Variants in SPTBN5 observed in about 807,000 individuals in gnomAD.
The protein encoded by SPTBN5 is spectrin beta chain, non-erythrocytic 5.
In SPTBN5, 513 loss-of-function variants were observed where a neutral mutation model predicts 477.6. The observed-to-expected ratio is 1.07, with a 90% CI of 1.00 to 1.16. SPTBN5 has a LOEUF of 1.16. SPTBN5 is among the 50% of genes most tolerant of loss of function. SPTBN5 has a pLI of 0.00. For missense variants in SPTBN5, 5,062 were observed against 4,731.8 expected (o/e 1.07, Z -2.05); for synonymous variants, 2,169 against 2,011.7 (o/e 1.08, Z -2.09).
At chr15:41,850,225 C>T (rs1254640063) in intron 66 of SPTBN5, 5 of 474,404 alleles carry the variant, frequency 1.1e-5, no homozygotes, top group East Asian at 3.8e-5. Flanking sequence ...TCTGGAATGT[C>T]GAACAACTCA....
chr15:41,882,090 A>G lies in SPTBN5; in HGVS notation c.2303T>C (p.Leu768Pro). 9 of 1,573,806 alleles carry G rather than the reference A, an allele frequency of 5.7e-6. No individual in the cohort carries two copies. The highest frequency in any genetic ancestry group is 7.7e-6 in the Non-Finnish European group (9 of 1,171,086). ...ASWLRERRSS[L>P]ERASCGQDQA... ...GTCCTGACCGCAGGACGCTCTCTCC[A>G]GCGAGGATCGCCGCTCGCGCAGCCA... The change falls in exon 12 of 68, where the codon CTG becomes CCG. Residue 768 changes from leucine to proline, a missense_variant. Leu to Pro is a moderately conservative substitution (Grantham distance 98, BLOSUM62 -3). Transcript: ENST00000320955.
chr15:41,882,735 C>A lies in SPTBN5; in HGVS notation c.1896G>T (p.Arg632=), dbSNP rs1399811799. 6.2e-7 allele frequency: 1 copy of A among 1,609,198 alleles called. No individual in the cohort carries two copies. Among genetic ancestry groups the A allele is most frequent in the Non-Finnish European group, 8.5e-7 (1 of 1,178,092 alleles). Residue 632 remains arginine, a synonymous_variant, in exon 10 of 68, where the codon CGG becomes CGT. Coordinates refer to ENST00000320955, the MANE Select transcript of SPTBN5 (RefSeq NM_016642.4). ...QSLVALVRAR[R]ALLEQTLQRA... is the part of the protein sequence containing the mutation. The stretch of plus-strand genomic sequence containing the variant: ...GCTGCAGGGTCTGCTCCAGCAGGGC[C>A]CGCCTGAGGGACAATAGGGGCCACC...
At chr15:41,857,141 C>T (rs775319168) in intron 51 of SPTBN5, 97 bp downstream of exon 51, 40 of 1,511,290 alleles carry the variant, frequency 2.6e-5, no homozygotes, top group Non-Finnish European at 3.5e-5. Flanking sequence ...TCACCATGGG[C>T]AAGGGGAGAA....
At position 41,858,873 on chromosome 15, in the gene SPTBN5, CT is replaced by C; in HGVS notation, c.8079+16del. 1 of 1,567,428 alleles carries C rather than the reference CT, an allele frequency of 6.4e-7. No individual in the cohort carries two copies. On this transcript the variant is annotated intron_variant, in intron 48 of 67. Transcript: ENST00000320955. ...CCTTCCCCACCATGACCGCCTCCCT[CT>C]CCAAGCGAGGCGAACCTCCTGGGAG...
At position 41,882,053 on chromosome 15, in the gene SPTBN5, G is replaced by C; in HGVS notation, c.2340C>G (p.Ala780=). The C allele has an allele frequency of 2.6e-6, 4 of 1,558,648 alleles. No individual in the cohort carries two copies. Among genetic ancestry groups the C allele is most frequent in the Non-Finnish European group, 3.4e-6 (4 of 1,164,006 alleles). The part of the protein sequence containing the change: ...RASCGQDQAA[A]ETLLRRHVRL... ...GCACGTGGCGCCTCAGCAGGGTCTC[G>C]GCGGCCGCCTGGTCCTGACCGCAGG... Residue 780 remains alanine (A), a synonymous_variant, in exon 12 of 68, where the codon GCC becomes GCG. Transcript: ENST00000320955.
At position 41,850,251 on chromosome 15, in the gene SPTBN5, C is replaced by T. The variant is rs2065707227; in HGVS notation, c.10922-292G>A. 7.3e-6 allele frequency: 3 copies of T among 412,402 alleles called. 1 individual carries two copies. In the South Asian group the frequency reaches 7.9e-5, roughly 11 times the overall value. 25.5% of individuals were successfully genotyped at this position (412,402 alleles called of 1,614,324 possible). A position where few individuals can be genotyped will look rare whatever the true frequency, so the allele number is the denominator to read the frequency against. On this transcript the variant is annotated intron_variant, in intron 66 of 67. Coordinates refer to ENST00000320955, the MANE Select transcript of SPTBN5 (RefSeq NM_016642.4). ...GAACAACTCAAGATCCCTTTGGGCTCCTGGGAAGACAGACTCTTGGGAGGA... is the reference window on the plus strand; with the variant it reads ...GAACAACTCAAGATCCCTTTGGGCTTCTGGGAAGACAGACTCTTGGGAGGA...
chr15:41,882,828 C>G, intron 9 of SPTBN5, 90 bp from the exon 10 acceptor site: 1 of 1,476,860 alleles, frequency 6.8e-7, no homozygotes, highest in Non-Finnish European at 9.1e-7. Context: ...TCCCCTTAGA[C>G]AGGATTTTTC....
At chr15:41,872,546 C>A (rs1453701622) in intron 26 of SPTBN5, 87 bp from the exon 27 acceptor site, 1 of 1,394,602 alleles carries the variant, frequency 7.2e-7, no homozygotes. Context: ...GTCACCAATC[C>A]TCATCCATTC....
chr15:41,877,263 C>T lies in SPTBN5; in HGVS notation c.3564G>A (p.Gln1188=). The T allele has an allele frequency of 1.2e-6, 2 of 1,613,960 alleles. No homozygotes were observed. The highest frequency in any genetic ancestry group is 1.7e-6 in the Non-Finnish European group (2 of 1,179,888). Reference sequence around the variant, plus strand: ...ACAAAACCTTCAGCTCCTGGCCCTGCTGCCCCAGGACCCTCAGAGTGTTGG... The same window carrying T: ...ACAAAACCTTCAGCTCCTGGCCCTGTTGCCCCAGGACCCTCAGAGTGTTGG... ...EVPNTLRVLG[Q]QGQELKVLWE... is the part of the protein sequence containing the mutation. The change falls in exon 18 of 68, where the codon CAG becomes CAA. Residue 1188 remains glutamine, a synonymous_variant. Coordinates refer to ENST00000320955, the MANE Select transcript of SPTBN5 (RefSeq NM_016642.4).
intron 4 of SPTBN5, 21 bp downstream of exon 4, chr15:41,890,068 G>A (rs759839906): frequency 1.5e-5 from 23 of 1,537,354 alleles, no homozygotes; most frequent in South Asian, 1.3e-4. Flanking sequence ...CAGGTGCTGG[G>A]TACTGGGGAC....
At chr15:41,856,831 C>G (rs775598050) in intron 52 of SPTBN5, 22 bp downstream of exon 52, 14 of 1,531,628 alleles carry the variant, frequency 9.1e-6, no homozygotes, top group Middle Eastern at 3.5e-4. Flanking sequence ...GCGAGGCCAG[C>G]CCTCCCCGGG....
chr15:41,849,319 C>G (rs540091442), intron 67 of SPTBN5, among the ~76,000 whole-genome samples: 2 of 152,226 alleles, frequency 1.3e-5, no homozygotes, highest in Non-Finnish European at 2.9e-5. Context: ...CATCCACCTT[C>G]GCATCTCCTC....
chr15:41,852,782 C>CGGG (rs1567181415), intron 60 of SPTBN5, 42 bp downstream of exon 60: 1 of 1,560,176 alleles, frequency 6.4e-7, no homozygotes, highest in African/African-American at 1.4e-5. Flanking sequence ...GGGGGGGGGC[C>CGGG]CAGAGCCTGG....
At position 41,868,123 on chromosome 15, in the gene SPTBN5, C is replaced by T. The variant is rs2066397019; in HGVS notation, c.6153G>A (p.Glu2051=). The T allele has an allele frequency of 6.3e-7, 1 of 1,598,568 alleles. No homozygotes were observed. The highest frequency in any genetic ancestry group is 1.7e-5 in the Admixed American group (1 of 58,166). ...KQERLQAEQQ[E]QLFLRECGRL... is the part of the protein sequence containing the mutation. ...GGCCGCACTCTCTGAGGAAGAGCTGCTCCTGCTGCTCGGCCTGCAGCCTCT... is the reference window on the plus strand; with the variant it reads ...GGCCGCACTCTCTGAGGAAGAGCTGTTCCTGCTGCTCGGCCTGCAGCCTCT... Residue 2051 remains glutamate (E), a synonymous_variant, in exon 34 of 68, where the codon GAG becomes GAA. Transcript: ENST00000320955.
In SPTBN5 at chr15:41,882,288, G is replaced by C; in HGVS notation, c.2228C>G (p.Thr743Arg). The change falls in exon 11 of 68, where the codon ACA becomes AGA. Residue 743 changes from threonine (T) to arginine (R), a missense_variant. Physicochemically the swap from Thr to Arg is moderately conservative, Grantham distance 71 (BLOSUM62 -1). Transcript: ENST00000320955. ...RVVGRGARLQ[T>R]ALLVLQYFAD... The stretch of plus-strand genomic sequence containing the variant: ...CACTACCTGCAGGACCAGCAGGGCT[G>C]TCTGCAGCCGTGCGCCCCGCCCCAC... 6.6e-7 allele frequency: 1 copy of C among 1,516,998 alleles called. No individual in the cohort carries two copies. Among genetic ancestry groups the C allele is most frequent in the Non-Finnish European group, 8.8e-7 (1 of 1,135,766 alleles). 94.0% of individuals were successfully genotyped at this position (1,516,998 alleles called of 1,614,324 possible).
intron 63 of SPTBN5, 68 bp downstream of exon 63, chr15:41,851,711 C>G: frequency 4.1e-6 from 5 of 1,233,436 alleles, no homozygotes; most frequent in Non-Finnish European, 5.9e-6. Context: ...GCCCAGATGG[C>G]TCTTCGAGCC....
intron 39 of SPTBN5, among the ~76,000 whole-genome samples, chr15:41,865,369 C>T (rs2066264846): frequency 6.6e-6 from 1 of 152,126 alleles, no homozygotes; most frequent in Non-Finnish European, 1.5e-5. Context: ...CAGGAAATTG[C>T]CAAAGTCCTG....
intron 21 of SPTBN5, 47 bp from the exon 22 acceptor site, chr15:41,875,669 C>G (rs1167064675): frequency 2.0e-6 from 3 of 1,523,800 alleles, no homozygotes; most frequent in Non-Finnish European, 2.6e-6. Flanking sequence ...GCTGCTGGTA[C>G]CACCAGTGGC....
chr15:41,852,769 T>TTGGGG, intron 60 of SPTBN5, 34 bp from the exon 61 acceptor site: 1 of 1,272,806 alleles, frequency 7.9e-7, no homozygotes, highest in Non-Finnish European at 1.1e-6. Context: ...ACGCCCAGCT[T>TTGGGG]GGGGGGGGGG....
Sources: gnomAD v4.1 joint callset for allele counts (sites outside exome capture counted in the v4.1 genomes callset) on GRCh38, gnomAD v4.1.1 for gene constraint, MANE v1.5 for transcripts, NCBI Gene and HGNC (gene_info 2026-07-23, HGNC 2026-07-21) for gene names.